The following NRG3 variants were observed in gnomAD, a reference collection of about 807,000 sequenced individuals.
NRG3 encodes the protein pro-neuregulin-3, membrane-bound isoform.
Under a neutral mutation model 66.9 loss-of-function variants are expected in NRG3, and 31 were observed. The ratio of observed to expected loss-of-function variants is 0.46; its 90% CI spans 0.35 to 0.63. NRG3 has a LOEUF of 0.63. NRG3 is among the 20% of genes least tolerant of loss of function. The pLI, the probability that NRG3 is intolerant of heterozygous loss-of-function variation, is 0.00. For synonymous variants in NRG3, 393 were observed against 359.4 expected (o/e 1.09, Z -1.06); for missense variants, 910 against 878.9 (o/e 1.04, Z -0.45).
rs576683634 is a variant in NRG3 at position 82,167,674 on chromosome 10, C to A, written c.824-191065C>A. On this transcript the variant is annotated intron_variant, in intron 1 of 8. Transcript: ENST00000372141. ...CAGTTATTTGTTTTCAGAATAAGTT[C>A]TTTTGGGTTTATCATTGTTTAAACT... 1.4e-3 allele frequency among the ~76,000 whole-genome samples: 211 copies of A among 152,082 alleles called. 1 individual carries two copies. Among genetic ancestry groups the A allele is most frequent in the African/African-American group, 4.8e-3 (200 of 41,538 alleles).
At chr10:81,933,605 C>T (rs1237325862) in intron 1 of NRG3, among the ~76,000 whole-genome samples, 1 of 152,036 alleles carries the variant, frequency 6.6e-6, no homozygotes, top group Non-Finnish European at 1.5e-5. Flanking sequence ...AAGTTTCTTC[C>T]AAAGTGTCCT....
chr10:82,154,446 C>A (rs988517804), intron 1 of NRG3, among the ~76,000 whole-genome samples: 8 of 151,790 alleles, frequency 5.3e-5, no homozygotes, highest in Non-Finnish European at 1.2e-4. Flanking sequence ...TCTTTTTATG[C>A]CAGTACCATG....
At chr10:81,981,371 T>G (rs1401991962) in intron 1 of NRG3, among the ~76,000 whole-genome samples, 1 of 152,228 alleles carries the variant, frequency 6.6e-6, no homozygotes, top group East Asian at 1.9e-4. Context: ...CTAGCAAGTT[T>G]CAAATGTAAC....
chr10:82,332,714 A>ACAAT (rs1420865085), intron 1 of NRG3, among the ~76,000 whole-genome samples: 1 of 152,186 alleles, frequency 6.6e-6, no homozygotes, highest in Non-Finnish European at 1.5e-5. Context: ...TATCAAGGAG[A>ACAAT]CAATCAATCA....
At chr10:82,690,421 G>A (rs2054838983) in intron 2 of NRG3, among the ~76,000 whole-genome samples, 1 of 152,156 alleles carries the variant, frequency 6.6e-6, no homozygotes, top group Admixed American at 6.5e-5. Flanking sequence ...AATGGAGAAA[G>A]CCTCATTTCA....
intron 1 of NRG3, among the ~76,000 whole-genome samples, chr10:82,284,710 T>C (rs2079316688): frequency 6.6e-6 from 1 of 152,222 alleles, no homozygotes; most frequent in African/African-American, 2.4e-5. Context: ...ACAAATGGCA[T>C]TGAAAAACAG....
intron 2 of NRG3, among the ~76,000 whole-genome samples, chr10:82,628,463 C>G (rs75354015): frequency 1.1e-3 from 166 of 152,212 alleles, no homozygotes; most frequent in Non-Finnish European, 1.5e-3. Flanking sequence ...CTCACCATCC[C>G]ATGGAACTAG....
chr10:82,772,316 TC>T (rs2059742663), intron 3 of NRG3, among the ~76,000 whole-genome samples: 1 of 152,056 alleles, frequency 6.6e-6, no homozygotes, highest in African/African-American at 2.4e-5. Flanking sequence ...ATTCATTCAT[TC>T]ATTCATTCAT....
rs1459616568 is a variant in NRG3 at position 82,959,053 on chromosome 10, A to C, written c.1262A>C (p.Lys421Thr). The change falls in exon 6 of 9, where the codon AAG becomes ACG. Residue 421 changes from lysine to threonine, a missense_variant. Transcript: ENST00000372141. ...STMAKSENLVKSHVQLQNYSK... is the reference protein window; with the variant it reads ...STMAKSENLVTSHVQLQNYSK... The stretch of plus-strand genomic sequence containing the variant: ...ATGGCAAAGTCAGAGAACTTGGTGA[A>C]GAGCCATGTCCAGCTGCAAAATGTA... 1 of 1,605,400 alleles carries C rather than the reference A, an allele frequency of 6.2e-7. No individual in the cohort carries two copies. The highest frequency in any genetic ancestry group is 8.5e-7 in the Non-Finnish European group (1 of 1,177,436).
At chr10:82,814,796 T>C (rs746100129) in intron 3 of NRG3, among the ~76,000 whole-genome samples, 1 of 152,248 alleles carries the variant, frequency 6.6e-6, no homozygotes, top group Non-Finnish European at 1.5e-5. Flanking sequence ...TAAGCCTGTA[T>C]GAGTCATAGT....
chr10:82,534,358 G>A (rs967848310), intron 2 of NRG3, among the ~76,000 whole-genome samples: 4 of 151,634 alleles, frequency 2.6e-5, no homozygotes, highest in Admixed American at 2.0e-4. Flanking sequence ...CCGCGCTCCC[G>A]GGTTGAAGCT....
intron 2 of NRG3, among the ~76,000 whole-genome samples, chr10:82,686,221 C>A (rs1419336211): frequency 1.3e-5 from 2 of 149,212 alleles, no homozygotes; most frequent in African/African-American, 5.0e-5. Flanking sequence ...GAGTTTAGCT[C>A]TTGTTGCCCT....
intron 1 of NRG3, among the ~76,000 whole-genome samples, chr10:82,085,459 G>A (rs1219444473): frequency 6.6e-6 from 1 of 151,952 alleles, no homozygotes; most frequent in Admixed American, 6.6e-5. Flanking sequence ...CAAGGTCAAG[G>A]GGCTCACATC....
chr10:82,453,290 C>T (rs2091107523), intron 2 of NRG3, among the ~76,000 whole-genome samples: 1 of 151,980 alleles, frequency 6.6e-6, no homozygotes, highest in Non-Finnish European at 1.5e-5. Context: ...GGAGCTAGGC[C>T]GTATTATGAG....
At chr10:82,728,109 G>A (rs1246278443) in intron 2 of NRG3, among the ~76,000 whole-genome samples, 1 of 152,158 alleles carries the variant, frequency 6.6e-6, no homozygotes, top group Non-Finnish European at 1.5e-5. Flanking sequence ...CTCATAGGCA[G>A]AAGGTACTTG....
chr10:82,225,928 T>G (rs138123610), intron 1 of NRG3, among the ~76,000 whole-genome samples: 73 of 152,286 alleles, frequency 4.8e-4, no homozygotes, highest in African/African-American at 1.8e-3. Flanking sequence ...TTTAGTAAGC[T>G]CTCTCCATAC....
intron 2 of NRG3, among the ~76,000 whole-genome samples, chr10:82,408,046 C>CGAGAGAGAGAGA (rs536927208): frequency 3.1e-4 from 17 of 54,420 alleles, no homozygotes; most frequent in South Asian, 2.2e-3. Context: ...AAGACTACAT[C>CGAGAGAGAGAGA]GAGAGAGAGA....
intron 1 of NRG3, among the ~76,000 whole-genome samples, chr10:82,123,212 A>C (rs1422373121): frequency 6.6e-6 from 1 of 152,160 alleles, no homozygotes; most frequent in Non-Finnish European, 1.5e-5. Context: ...TATTACTAGA[A>C]GTATTTGGAG....
chr10:82,699,678 G>T (rs1324094275), intron 2 of NRG3, among the ~76,000 whole-genome samples: 1 of 152,076 alleles, frequency 6.6e-6, no homozygotes, highest in African/African-American at 2.4e-5. Context: ...GATGCAGAGA[G>T]ACTGTCTCTC....
Sources: gnomAD v4.1 joint callset for allele counts (sites outside exome capture counted in the v4.1 genomes callset) on GRCh38, gnomAD v4.1.1 for gene constraint, MANE v1.5 for transcripts, NCBI Gene and HGNC (gene_info 2026-07-23, HGNC 2026-07-21) for gene names.